RAP1B: variants seen among roughly 807,000 people sequenced by gnomAD.
RAP1B encodes RAP1B, member of RAS oncogene family, also known as ras-related protein Rap-1b.
A neutral mutation model predicts 27.5 loss-of-function variants in RAP1B; 1 was observed. The ratio of observed to expected loss-of-function variants is 0.04; its 90% CI spans 0.01 to 0.17. The LOEUF is 0.17. Ranked by LOEUF, RAP1B falls within the 10% of genes least tolerant of loss-of-function variation. The pLI, the probability that RAP1B is intolerant of heterozygous loss-of-function variation, is 1.00. For missense variants in RAP1B, 84 were observed against 214.8 expected (o/e 0.39, Z 3.81); for synonymous variants, 75 against 73.1 (o/e 1.03, Z -0.13).
At chr12:68,636,756 C>A (rs1872657788) in intron 1 of RAP1B, among the ~76,000 whole-genome samples, 1 of 151,820 alleles carries the variant, frequency 6.6e-6, no homozygotes, top group South Asian at 2.1e-4. Context: ...TCTGTTCAAG[C>A]AATTCTCCTG....
rs1289315729 is a variant in RAP1B at position 68,668,938 on chromosome 12, G to C, written c.*9689G>C. 6.6e-6 allele frequency: 1 copy of C among 152,140 alleles called. No homozygotes were observed. The highest frequency in any genetic ancestry group is 1.5e-5 in the Non-Finnish European group (1 of 68,034). The allele number at this position is 152,140 out of a possible 1,614,324, so 9.4% of individuals were successfully genotyped here. A position where few individuals can be genotyped will look rare whatever the true frequency, so the allele number is the denominator to read the frequency against. On this transcript the variant is annotated 3_prime_UTR_variant, in exon 8 of 8. Coordinates refer to ENST00000250559, the MANE Select transcript of RAP1B (RefSeq NM_001010942.3). ...GTTGTTCAACCCTCAGCAATGCTAT[G>C]AAATAGGGGCTGAGTCTCCTAATAG...
intron 3 of RAP1B, chr12:68,651,739 T>G: frequency 4.7e-6 from 2 of 422,342 alleles, no homozygotes; most frequent in Admixed American, 3.6e-5. Context: ...GAATCCATAT[T>G]GAGACTGGTT....
chr12:68,660,362 A>G lies in RAP1B; in HGVS notation c.*1113A>G, dbSNP rs1276906758. On this transcript the variant is annotated 3_prime_UTR_variant, in exon 8 of 8. Transcript: ENST00000250559. ...GGATGTAAAGATTGTGTGTCTATCC[A>G]ACAGGGAGCCACAGTATTTAAATTG... The G allele has an allele frequency of 2.0e-5, 3 of 150,254 alleles. No homozygotes were observed. Among genetic ancestry groups the G allele is most frequent in the Non-Finnish European group, 4.4e-5 (3 of 67,540 alleles). 9.3% of individuals were successfully genotyped at this position (150,254 alleles called of 1,614,324 possible). A position where few individuals can be genotyped will look rare whatever the true frequency, so the allele number is the denominator to read the frequency against.
rs1364090927 is a variant in RAP1B at position 68,665,535 on chromosome 12, C to A, written c.*6286C>A. 1 of 152,196 alleles carries A rather than the reference C, an allele frequency of 6.6e-6. No homozygotes were observed. The highest frequency in any genetic ancestry group is 1.5e-5 in the Non-Finnish European group (1 of 68,034). 9.4% of individuals were successfully genotyped at this position (152,196 alleles called of 1,614,324 possible). On this transcript the variant is annotated 3_prime_UTR_variant, in exon 8 of 8. Coordinates refer to ENST00000250559, the MANE Select transcript of RAP1B (RefSeq NM_001010942.3). ...GTTGGAGTACAAAGGATTGCTATTA[C>A]AAAGACATGGGCAGAGAACAAGGCA...
chr12:68,651,625 G>A (rs1873820115), intron 3 of RAP1B: 1 of 195,846 alleles, frequency 5.1e-6, no homozygotes, highest in Non-Finnish European at 1.1e-5. Flanking sequence ...TATCATGGGA[G>A]AATTTAGACA....
In RAP1B at chr12:68,666,223, A is replaced by AC. The variant is rs1874843207; in HGVS notation, c.*6974_*6975insC. 1 of 152,080 alleles carries AC rather than the reference A, an allele frequency of 6.6e-6. No homozygotes were observed. The highest frequency in any genetic ancestry group is 1.5e-5 in the Non-Finnish European group (1 of 68,006). The allele number at this position is 152,080 out of a possible 1,614,324, so 9.4% of individuals were successfully genotyped here. On this transcript the variant is annotated 3_prime_UTR_variant, in exon 8 of 8. Transcript: ENST00000250559. The stretch of plus-strand genomic sequence containing the variant: ...GTAATGTAAACTTTATTTTCTCTCA[A>AC]TTTTCGTAAGTGGTATTTTGGTGCT...
At chr12:68,642,115 A>T (rs1020217456) in intron 1 of RAP1B, among the ~76,000 whole-genome samples, 1 of 152,204 alleles carries the variant, frequency 6.6e-6, no homozygotes, top group Non-Finnish European at 1.5e-5. Flanking sequence ...ATAATTGGTT[A>T]ATTCATAGAC....
Position 68,669,939 on chromosome 12 carries a change from T to TC in RAP1B, c.*10690_*10691insC, listed in dbSNP as rs1555174536. 1.4e-5 allele frequency: 2 copies of TC among 142,526 alleles called. No individual in the cohort carries two copies. The highest frequency in any genetic ancestry group is 3.1e-5 in the Non-Finnish European group (2 of 65,566). 8.8% of individuals were successfully genotyped at this position (142,526 alleles called of 1,614,324 possible). On this transcript the variant is annotated 3_prime_UTR_variant, in exon 8 of 8. Transcript: ENST00000250559. ...AAAATATATTTCTTTTTCTTTCTTT[T>TC]TTTTTTTTTTTTTTTTGAGACAGTT...
In RAP1B at chr12:68,663,583, A is replaced by C. The variant is rs2135979222; in HGVS notation, c.*4334A>C. 1.3e-5 allele frequency: 2 copies of C among 152,330 alleles called. No homozygotes were observed. The highest frequency in any genetic ancestry group is 4.1e-4 in the South Asian group (2 of 4,826). 9.4% of individuals were successfully genotyped at this position (152,330 alleles called of 1,614,324 possible). A position where few individuals can be genotyped will look rare whatever the true frequency, so the allele number is the denominator to read the frequency against. On this transcript the variant is annotated 3_prime_UTR_variant, in exon 8 of 8. Coordinates refer to ENST00000250559, the MANE Select transcript of RAP1B (RefSeq NM_001010942.3). Reference sequence around the variant, plus strand: ...AGTAAAAGTAAAGTGCTTATTGCTAAATAGGTCTGTATTCTAAATGCTGCC... The same window carrying C: ...AGTAAAAGTAAAGTGCTTATTGCTACATAGGTCTGTATTCTAAATGCTGCC...
chr12:68,637,623 A>C (rs1186811115), intron 1 of RAP1B, among the ~76,000 whole-genome samples: 6 of 150,510 alleles, frequency 4.0e-5, no homozygotes, highest in Admixed American at 3.3e-4. Flanking sequence ...AAAAAAAAAA[A>C]AAAAACAAGA....
rs1874665414 is a variant in RAP1B, at chr12:68,662,666, T to G, written c.*3417T>G. 1 of 152,182 alleles carries G rather than the reference T, an allele frequency of 6.6e-6. No individual in the cohort carries two copies. Among genetic ancestry groups the G allele is most frequent in the Non-Finnish European group, 1.5e-5 (1 of 68,042 alleles). 9.4% of individuals were successfully genotyped at this position (152,182 alleles called of 1,614,324 possible). A position where few individuals can be genotyped will look rare whatever the true frequency, so the allele number is the denominator to read the frequency against. On this transcript the variant is annotated 3_prime_UTR_variant, in exon 8 of 8. Transcript: ENST00000250559. ...GAAATGTAAAAGGGAGTTATAGTGT[T>G]TTACAATTAATACTCTTACTATTAC...
chr12:68,611,424 C>G (rs1270132604), intron 1 of RAP1B, among the ~76,000 whole-genome samples: 1 of 150,486 alleles, frequency 6.6e-6, no homozygotes, highest in East Asian at 2.0e-4. Context: ...GCCGGCTCCC[C>G]CGAAGACTCG....
Position 68,660,005 on chromosome 12 carries a change from A to G in RAP1B, c.*756A>G, listed in dbSNP as rs547305606. On this transcript the variant is annotated 3_prime_UTR_variant, in exon 8 of 8. Transcript: ENST00000250559. ...TGTACAGTGGGGGTCTACAACAAGA[A>G]GTGTATATTTTCAAACAATTTTTTA... The G allele has an allele frequency of 5.7e-5, 8 of 140,240 alleles. No individual in the cohort carries two copies. The highest frequency in any genetic ancestry group is 1.2e-4 in the Non-Finnish European group (8 of 65,544). The allele number at this position is 140,240 out of a possible 1,614,324, so 8.7% of individuals were successfully genotyped here.
At position 68,661,506 on chromosome 12, in the gene RAP1B, T is replaced by G. The variant is rs1874592694; in HGVS notation, c.*2257T>G. The G allele has an allele frequency of 6.6e-6, 1 of 152,146 alleles. No individual in the cohort carries two copies. Among genetic ancestry groups the G allele is most frequent in the African/African-American group, 2.4e-5 (1 of 41,412 alleles). 9.4% of individuals were successfully genotyped at this position (152,146 alleles called of 1,614,324 possible). ...CAAGATCAACTATAAAATGCTGCCC[T>G]CCTAGAATTTATATTCTATTGAAGA... On this transcript the variant is annotated 3_prime_UTR_variant, in exon 8 of 8. Coordinates refer to ENST00000250559, the MANE Select transcript of RAP1B (RefSeq NM_001010942.3).
intron 4 of RAP1B, among the ~76,000 whole-genome samples, chr12:68,653,666 C>T (rs945016370): frequency 2.0e-5 from 3 of 151,970 alleles, no homozygotes; most frequent in Non-Finnish European, 1.5e-5. Flanking sequence ...TGGTAGTTCA[C>T]GCCTGTAATC....
chr12:68,620,206 TTTTTTTATTTTTA>T (rs1871297577), intron 1 of RAP1B, among the ~76,000 whole-genome samples: 1 of 151,392 alleles, frequency 6.6e-6, no homozygotes, highest in South Asian at 2.1e-4. Flanking sequence ...TTTTTTTATT[TTTTTTTATTTTTA>T]TTTTTATTTT....
In RAP1B at chr12:68,660,582, G is replaced by A. The variant is rs1874543145; in HGVS notation, c.*1333G>A. The A allele has an allele frequency of 6.6e-6, 1 of 152,552 alleles. No individual in the cohort carries two copies. Among genetic ancestry groups the A allele is most frequent in the Admixed American group, 6.6e-5 (1 of 15,266 alleles). 9.4% of individuals were successfully genotyped at this position (152,552 alleles called of 1,614,324 possible). ...TTAACAGTGCTAGTAAATAAATACG[G>A]GTTTACCCTGGTTTTAATTGTAATA... is the stretch of plus-strand genomic sequence containing the variant. On this transcript the variant is annotated 3_prime_UTR_variant, in exon 8 of 8. Transcript: ENST00000250559.
intron 1 of RAP1B, among the ~76,000 whole-genome samples, chr12:68,622,217 G>A (rs1169369725): frequency 2.6e-5 from 4 of 152,198 alleles, no homozygotes; most frequent in African/African-American, 7.2e-5. Flanking sequence ...TTCAAATGCT[G>A]TGTTTCTGTA....
intron 3 of RAP1B, chr12:68,650,776 T>G (rs1391978621): frequency 6.0e-6 from 1 of 165,462 alleles, no homozygotes; most frequent in Non-Finnish European, 1.3e-5. Flanking sequence ...ACTCTCAAGC[T>G]CCCTTCTTTT....
Sources: allele counts gnomAD v4.1 joint callset (sites outside exome capture counted in the v4.1 genomes callset), GRCh38; gene constraint gnomAD v4.1.1; transcripts MANE v1.5; gene names NCBI Gene and HGNC (gene_info 2026-07-23, HGNC 2026-07-21).